The following TEDDM1 variants were observed in gnomAD, a reference collection of about 807,000 sequenced individuals.
TEDDM1 encodes transmembrane epididymal protein 1.
For missense variants in TEDDM1, 344 were observed against 318.9 expected, an observed-to-expected ratio of 1.08 and a Z score of -0.60; for synonymous variants, 126 against 128.0, an observed-to-expected ratio of 0.98 and a Z score of 0.11.
At position 182,400,578 on chromosome 1, in the gene TEDDM1, G is replaced by C; in HGVS notation, c.-93C>G. 4 of 1,051,784 alleles carry C rather than the reference G, an allele frequency of 3.8e-6. No homozygotes were observed. The highest frequency in any genetic ancestry group is 5.5e-6 in the Non-Finnish European group (4 of 731,500). 65.2% of individuals were successfully genotyped at this position (1,051,784 alleles called of 1,614,324 possible). A position where few individuals can be genotyped will look rare whatever the true frequency, so the allele number is the denominator to read the frequency against. On this transcript the variant is annotated 5_prime_UTR_variant, in exon 1 of 1. Coordinates refer to ENST00000367565, the MANE Select transcript of TEDDM1 (RefSeq NM_172000.4). Reference sequence around the variant, plus strand: ...CCAATGGACTTTCCCATGGAATACAGGCCTGTCCGACTGAAGCGTGAAGAG... The same window carrying C: ...CCAATGGACTTTCCCATGGAATACACGCCTGTCCGACTGAAGCGTGAAGAG...
chr1:182,398,432 G>T lies in TEDDM1; in HGVS notation c.*1232C>A, dbSNP rs919499659. ...GAGGAAGAACCTTCTGAAAGAAAAT[G>T]ATTTCAGCAGCAGTATAAAAGAAAG... On this transcript the variant is annotated 3_prime_UTR_variant, in exon 1 of 1. Coordinates refer to ENST00000367565, the MANE Select transcript of TEDDM1 (RefSeq NM_172000.4). The T allele has an allele frequency of 2.0e-5, 3 of 152,198 alleles. No individual in the cohort carries two copies. The highest frequency in any genetic ancestry group is 1.3e-4 in the Admixed American group (2 of 15,284). 9.4% of individuals were successfully genotyped at this position (152,198 alleles called of 1,614,324 possible).
chr1:182,399,375 A>T lies in TEDDM1; in HGVS notation c.*289T>A. 5.2e-6 allele frequency: 2 copies of T among 386,638 alleles called. No homozygotes were observed. Among genetic ancestry groups the T allele is most frequent in the Non-Finnish European group, 9.3e-6 (2 of 215,012 alleles). 24.0% of individuals were successfully genotyped at this position (386,638 alleles called of 1,614,324 possible). A position where few individuals can be genotyped will look rare whatever the true frequency, so the allele number is the denominator to read the frequency against. The stretch of plus-strand genomic sequence containing the variant: ...CACGGGCATGGTGGCAGGCTCCTGT[A>T]ATTGCAGCTACTCGGGAGGCTGAGG... On this transcript the variant is annotated 3_prime_UTR_variant, in exon 1 of 1. Transcript: ENST00000367565.
rs1181009850 is a variant in TEDDM1 at position 182,399,871 on chromosome 1, A to G, written c.615T>C (p.His205=). ...IMFVTTFFCW[H]VMINASFLLG... ...ACAGGAATGAGGCATTGATCATCAC[A>G]TGCCAGCAGAAGAAGGTGGTGACAA... Residue 205 remains histidine (H), a synonymous_variant, in exon 1 of 1, where the codon CAT becomes CAC. Coordinates refer to ENST00000367565, the MANE Select transcript of TEDDM1 (RefSeq NM_172000.4). 6.2e-7 allele frequency: 1 copy of G among 1,614,210 alleles called. No homozygotes were observed. Among genetic ancestry groups the G allele is most frequent in the Admixed American group, 1.7e-5 (1 of 60,032 alleles).
chr1:182,399,879 A>G lies in TEDDM1; in HGVS notation c.607T>C (p.Cys203Arg), dbSNP rs371692607. The change falls in exon 1 of 1, where the codon TGC (cysteine) becomes CGC (arginine). Residue 203 changes from cysteine to arginine, a missense_variant. Coordinates refer to ENST00000367565, the MANE Select transcript of TEDDM1 (RefSeq NM_172000.4). ...GAGGCATTGATCATCACATGCCAGC[A>G]GAAGAAGGTGGTGACAAACATGATG... is the stretch of plus-strand genomic sequence containing the variant. ...SDIMFVTTFF[C>R]WHVMINASFL... 4.3e-5 allele frequency: 70 copies of G among 1,614,132 alleles called. No homozygotes were observed. The highest frequency in any genetic ancestry group is 5.9e-5 in the Non-Finnish European group (70 of 1,180,060).
chr1:182,399,804 T>G lies in TEDDM1; in HGVS notation c.682A>C (p.Arg228=). The G allele has an allele frequency of 6.2e-7, 1 of 1,614,098 alleles. No homozygotes were observed. The highest frequency in any genetic ancestry group is 8.5e-7 in the Non-Finnish European group (1 of 1,180,028). ...GGCCCAGTCAGCTTCAAGCTGGGTC[T>G]GAAACAATGATACCAAAAGGAAGAG... ...GFSSFWYHCF[R]PSLKLTGPKE... is the part of the protein sequence containing the mutation. Residue 228 remains arginine (R), a synonymous_variant, in exon 1 of 1, where the codon AGA becomes CGA. Transcript: ENST00000367565.
chr1:182,400,286 T>C lies in TEDDM1; in HGVS notation c.200A>G (p.Lys67Arg), dbSNP rs143298591. Residue 67 changes from lysine (K) to arginine (R), a missense_variant, in exon 1 of 1, where the codon AAA becomes AGA. Physicochemically the swap from Lys to Arg is conservative, Grantham distance 26. Transcript: ENST00000367565. ...KQVPSRFMYPKEWQHLTMFIL... is the reference protein window; with the variant it reads ...KQVPSRFMYPREWQHLTMFIL... The stretch of plus-strand genomic sequence containing the variant: ...GAACATGGTGAGGTGCTGCCACTCT[T>C]TGGGGTACATGAACCTTGATGGCAC... 1.9e-6 allele frequency: 3 copies of C among 1,614,056 alleles called. No individual in the cohort carries two copies. The highest frequency in any genetic ancestry group is 1.7e-5 in the Admixed American group (1 of 60,000).
Position 182,400,391 on chromosome 1 carries a change from A to G in TEDDM1, c.95T>C (p.Leu32Pro). 6.2e-7 allele frequency: 1 copy of G among 1,614,190 alleles called. No individual in the cohort carries two copies. The highest frequency in any genetic ancestry group is 8.5e-7 in the Non-Finnish European group (1 of 1,180,036). The part of the protein sequence containing the change: ...RLWKIAYGGL[L>P]KIVTGSLLTF... ...TAAGAGGGAGCCAGTCACTATCTTTAGTAATCCTCCATAGGCTATTTTCCA... is the reference window on the plus strand; with the variant it reads ...TAAGAGGGAGCCAGTCACTATCTTTGGTAATCCTCCATAGGCTATTTTCCA... The change falls in exon 1 of 1, where the codon CTA (leucine) becomes CCA (proline). Residue 32 changes from leucine (L) to proline (P), a missense_variant. Coordinates refer to ENST00000367565, the MANE Select transcript of TEDDM1 (RefSeq NM_172000.4).
At position 182,400,366 on chromosome 1, in the gene TEDDM1, T is replaced by A. The variant is rs1650667461; in HGVS notation, c.120A>T (p.Leu40Phe). ...GLLKIVTGSL[L>F]TFYVVLCLDG... ...CAAGACAGAGAACCACATAAAATGT[T>A]AAGAGGGAGCCAGTCACTATCTTTA... The change falls in exon 1 of 1, where the codon TTA becomes TTT. Residue 40 changes from leucine (L) to phenylalanine (F), a missense_variant. By Grantham distance (22) the Leu-to-Phe change is conservative (BLOSUM62 0). Transcript: ENST00000367565. 1 of 1,614,156 alleles carries A rather than the reference T, an allele frequency of 6.2e-7. No individual in the cohort carries two copies. Among genetic ancestry groups the A allele is most frequent in the South Asian group, 1.1e-5 (1 of 91,080 alleles).
chr1:182,400,103 T>C lies in TEDDM1; in HGVS notation c.383A>G (p.His128Arg). ...HVKDSEGVEL[H>R]VYSLLILVVF... is the part of the protein sequence containing the mutation. ...CACCAAGATGAGCAGAGAATAAACGTGCAGCTCCACCCCTTCTGAATCTTT... is the reference window on the plus strand; with the variant it reads ...CACCAAGATGAGCAGAGAATAAACGCGCAGCTCCACCCCTTCTGAATCTTT... Residue 128 changes from histidine (H) to arginine (R), a missense_variant, in exon 1 of 1, where the codon CAC (histidine) becomes CGC (arginine). His to Arg is a conservative substitution (Grantham distance 29, BLOSUM62 0). Transcript: ENST00000367565. 5 of 1,613,398 alleles carry C rather than the reference T, an allele frequency of 3.1e-6. No homozygotes were observed. Among genetic ancestry groups the C allele is most frequent in the Non-Finnish European group, 4.2e-6 (5 of 1,179,656 alleles).
rs1459724689 is a variant in TEDDM1 at position 182,399,516 on chromosome 1, GAGA to G, written c.*145_*147del. The G allele has an allele frequency of 1.6e-6, 1 of 627,084 alleles. No individual in the cohort carries two copies. The highest frequency in any genetic ancestry group is 1.8e-5 in the African/African-American group (1 of 54,100). 38.8% of individuals were successfully genotyped at this position (627,084 alleles called of 1,614,324 possible). ...GTCTCAAAAAAAAAAAAAAAGAAAA[GAGA>G]AGAAAAGAAAATGAACCAGCAGACG... is the stretch of plus-strand genomic sequence containing the variant. On this transcript the variant is annotated 3_prime_UTR_variant, in exon 1 of 1. Transcript: ENST00000367565.
chr1:182,400,584 T>G lies in TEDDM1; in HGVS notation c.-99A>C. 1 of 1,000,156 alleles carries G rather than the reference T, an allele frequency of 1.0e-6. No individual in the cohort carries two copies. Among genetic ancestry groups the G allele is most frequent in the Non-Finnish European group, 1.5e-6 (1 of 687,302 alleles). The allele number at this position is 1,000,156 out of a possible 1,614,324, so 62.0% of individuals were successfully genotyped here. ...GACTTTCCCATGGAATACAGGCCTG[T>G]CCGACTGAAGCGTGAAGAGCAATAC... is the stretch of plus-strand genomic sequence containing the variant. On this transcript the variant is annotated 5_prime_UTR_variant, in exon 1 of 1. Coordinates refer to ENST00000367565, the MANE Select transcript of TEDDM1 (RefSeq NM_172000.4).
rs1051409160 is a variant in TEDDM1, at chr1:182,398,507, C to T, written c.*1157G>A. 6.6e-6 allele frequency: 1 copy of T among 152,134 alleles called. No individual in the cohort carries two copies. Among genetic ancestry groups the T allele is most frequent in the African/African-American group, 2.4e-5 (1 of 41,384 alleles). 9.4% of individuals were successfully genotyped at this position (152,134 alleles called of 1,614,324 possible). Reference sequence around the variant, plus strand: ...ACAAAGCAGATTTAATGTAAGTGCCCAAGAGTTCCAAAACAAGGGAATCAG... The same window carrying T: ...ACAAAGCAGATTTAATGTAAGTGCCTAAGAGTTCCAAAACAAGGGAATCAG... On this transcript the variant is annotated 3_prime_UTR_variant, in exon 1 of 1. Transcript: ENST00000367565.
In TEDDM1 at chr1:182,400,635, C is replaced by T. The variant is rs1309275285; in HGVS notation, c.-150G>A. On this transcript the variant is annotated 5_prime_UTR_variant, in exon 1 of 1. Coordinates refer to ENST00000367565, the MANE Select transcript of TEDDM1 (RefSeq NM_172000.4). ...TCAGGACCTCTCTGCTCTCCTCTCC[C>T]TCACAGGCCTCTCGAGTTCTGGGCC... 31 of 635,196 alleles carry T rather than the reference C, an allele frequency of 4.9e-5. No homozygotes were observed. The East Asian group carries it at 7.7e-4, about 16-fold the overall frequency. The allele number at this position is 635,196 out of a possible 1,614,324, so 39.3% of individuals were successfully genotyped here.
chr1:182,400,553 C>G lies in TEDDM1; in HGVS notation c.-68G>C. 2 of 1,349,016 alleles carry G rather than the reference C, an allele frequency of 1.5e-6. No homozygotes were observed. Among genetic ancestry groups the G allele is most frequent in the East Asian group, 2.3e-5 (1 of 43,492 alleles). The allele number at this position is 1,349,016 out of a possible 1,614,324, so 83.6% of individuals were successfully genotyped here. On this transcript the variant is annotated 5_prime_UTR_variant, in exon 1 of 1. Transcript: ENST00000367565. The stretch of plus-strand genomic sequence containing the variant: ...AAGAAATAGCCCCAGTTAAAAATGG[C>G]CAATGGACTTTCCCATGGAATACAG...
rs1650641804 is a variant in TEDDM1, at chr1:182,399,499, A to C, written c.*165T>G. 3 of 597,734 alleles carry C rather than the reference A, an allele frequency of 5.0e-6. No individual in the cohort carries two copies. The allele number at this position is 597,734 out of a possible 1,614,324, so 37.0% of individuals were successfully genotyped here. A position where few individuals can be genotyped will look rare whatever the true frequency, so the allele number is the denominator to read the frequency against. ...CAACAGAGCGAGACTCTGTCTCAAA[A>C]AAAAAAAAAAAGAAAAGAGAAGAAA... On this transcript the variant is annotated 3_prime_UTR_variant, in exon 1 of 1. Transcript: ENST00000367565.
In TEDDM1 at chr1:182,400,540, C is replaced by A; in HGVS notation, c.-55G>T. Reference sequence around the variant, plus strand: ...GTCCATAAGAGAAAAGAAATAGCCCCAGTTAAAAATGGCCAATGGACTTTC... The same window carrying A: ...GTCCATAAGAGAAAAGAAATAGCCCAAGTTAAAAATGGCCAATGGACTTTC... On this transcript the variant is annotated 5_prime_UTR_variant, in exon 1 of 1. Transcript: ENST00000367565. 1.4e-6 allele frequency: 2 copies of A among 1,470,680 alleles called. No homozygotes were observed. The highest frequency in any genetic ancestry group is 9.1e-7 in the Non-Finnish European group (1 of 1,100,418). 91.1% of individuals were successfully genotyped at this position (1,470,680 alleles called of 1,614,324 possible).
rs765326199 is a variant in TEDDM1 at position 182,400,089 on chromosome 1, G to A, written c.397C>T (p.Leu133Phe). Residue 133 changes from leucine to phenylalanine, a missense_variant, in exon 1 of 1, where the codon CTC (leucine) becomes TTC (phenylalanine). By Grantham distance (22) the Leu-to-Phe change is conservative (BLOSUM62 0). Coordinates refer to ENST00000367565, the MANE Select transcript of TEDDM1 (RefSeq NM_172000.4). ...EGVELHVYSL[L>F]ILVVFLLLLV... The stretch of plus-strand genomic sequence containing the variant: ...AACAGCAGGAACACCACCAAGATGA[G>A]CAGAGAATAAACGTGCAGCTCCACC... 1 of 1,613,888 alleles carries A rather than the reference G, an allele frequency of 6.2e-7. No individual in the cohort carries two copies. Among genetic ancestry groups the A allele is most frequent in the Non-Finnish European group, 8.5e-7 (1 of 1,179,924 alleles).
rs749566340 is a variant in TEDDM1 at position 182,398,308 on chromosome 1, T to C, written c.*1356A>G. 6.6e-6 allele frequency: 1 copy of C among 152,236 alleles called. No individual in the cohort carries two copies. Among genetic ancestry groups the C allele is most frequent in the Non-Finnish European group, 1.5e-5 (1 of 68,046 alleles). 9.4% of individuals were successfully genotyped at this position (152,236 alleles called of 1,614,324 possible). On this transcript the variant is annotated 3_prime_UTR_variant, in exon 1 of 1. Transcript: ENST00000367565. ...ACTCTGGAAGCAAAGAAGGCTTTAT[T>C]AAACATAACCATGATCCATAGCTGG...
rs757704958 is a variant in TEDDM1 at position 182,400,121 on chromosome 1, G to A, written c.365C>T (p.Ser122Leu). Residue 122 changes from serine to leucine, a missense_variant, in exon 1 of 1, where the codon TCA becomes TTA. Transcript: ENST00000367565. ...ATAAACGTGCAGCTCCACCCCTTCTGAATCTTTAACATGTGACACCATCAG... is the reference window on the plus strand; with the variant it reads ...ATAAACGTGCAGCTCCACCCCTTCTAAATCTTTAACATGTGACACCATCAG... Reference protein sequence around the residue: ...LLLMVSHVKDSEGVELHVYSL... With the variant: ...LLLMVSHVKDLEGVELHVYSL... 2 of 1,613,864 alleles carry A rather than the reference G, an allele frequency of 1.2e-6. No homozygotes were observed. The highest frequency in any genetic ancestry group is 3.3e-5 in the Admixed American group (2 of 60,006).
Sources: allele counts gnomAD v4.1 joint callset, GRCh38; gene constraint gnomAD v4.1.1; transcripts MANE v1.5; gene names NCBI Gene and HGNC (gene_info 2026-07-23, HGNC 2026-07-21).